The following MYCT1 variants were observed in gnomAD, a reference collection of about 807,000 sequenced individuals.
MYCT1 encodes the protein MYC target 1, also known as myc target protein 1.
MYCT1 carries 12 observed loss-of-function variants against 15.0 expected under a neutral mutation model. The ratio of observed to expected loss-of-function variants is 0.80; its 90% CI spans 0.51 to 1.29. The LOEUF (loss-of-function observed/expected upper bound fraction) is 1.29, where lower values mean the gene tolerates loss of function less well. MYCT1 is among the 50% of genes most tolerant of loss of function. MYCT1 has a pLI of 0.00. For synonymous variants in MYCT1, 104 were observed against 102.7 expected (o/e 1.01, Z -0.07); for missense variants, 287 against 279.1 (o/e 1.03, Z -0.20).
At position 152,723,203 on chromosome 6, in the gene MYCT1, GT is replaced by G. The variant is rs933160340; in HGVS notation, c.*955del. 6.6e-6 allele frequency: 1 copy of G among 152,064 alleles called. No individual in the cohort carries two copies. Among genetic ancestry groups the G allele is most frequent in the African/African-American group, 2.4e-5 (1 of 41,394 alleles). 9.4% of individuals were successfully genotyped at this position (152,064 alleles called of 1,614,324 possible). The stretch of plus-strand genomic sequence containing the variant: ...TTTTTTCTGGACAAACTCTTTATGT[GT>G]TTTTCCCAAGAATAGTTATCTACTT... On this transcript the variant is annotated 3_prime_UTR_variant, in exon 2 of 2. Coordinates refer to ENST00000367245, the MANE Select transcript of MYCT1 (RefSeq NM_025107.3).
the MYCT1 span, among the ~76,000 whole-genome samples, chr6:152,743,808 A>G: frequency 1.3e-5 from 2 of 152,230 alleles, no homozygotes; most frequent in African/African-American, 4.8e-5. Context: ...TTCTAGCTGA[A>G]AATGATGGTT....
chr6:152,704,992 C>T (rs967234324), intron 1 of MYCT1, among the ~76,000 whole-genome samples: 2 of 152,132 alleles, frequency 1.3e-5, no homozygotes, highest in Non-Finnish European at 1.5e-5. Flanking sequence ...TTTCTCTCAG[C>T]ATCTCCCTTT....
At chr6:152,703,534 A>C (rs2129068344) in intron 1 of MYCT1, among the ~76,000 whole-genome samples, 2 of 152,334 alleles carry the variant, frequency 1.3e-5, no homozygotes, top group Admixed American at 1.3e-4. Context: ...AGTAAACTAA[A>C]GGCATCAATA....
At chr6:152,740,275 C>T in the MYCT1 span, among the ~76,000 whole-genome samples, 1 of 152,120 alleles carries the variant, frequency 6.6e-6, no homozygotes, top group Non-Finnish European at 1.5e-5. Context: ...GTCTTGAACT[C>T]CCAACCTCAG....
chr6:152,718,354 A>G (rs2099724103), intron 1 of MYCT1, among the ~76,000 whole-genome samples: 1 of 152,072 alleles, frequency 6.6e-6, no homozygotes, highest in Non-Finnish European at 1.5e-5. Context: ...ATATAAATAT[A>G]TTTCTCACTC....
Position 152,722,422 on chromosome 6 carries a change from A to G in MYCT1, c.*169A>G. On this transcript the variant is annotated 3_prime_UTR_variant, in exon 2 of 2. Coordinates refer to ENST00000367245, the MANE Select transcript of MYCT1 (RefSeq NM_025107.3). ...TACAATGTAAAACACATTTTCTTCA[A>G]ACACGTTTTCCCTTTTGTTTCAAAA... is the stretch of plus-strand genomic sequence containing the variant. The G allele has an allele frequency of 8.0e-6, 5 of 622,222 alleles. No individual in the cohort carries two copies. Among genetic ancestry groups the G allele is most frequent in the Non-Finnish European group, 1.0e-5 (4 of 382,736 alleles). 38.5% of individuals were successfully genotyped at this position (622,222 alleles called of 1,614,324 possible). A position where few individuals can be genotyped will look rare whatever the true frequency, so the allele number is the denominator to read the frequency against.
chr6:152,702,977 T>A (rs1162462586), intron 1 of MYCT1, among the ~76,000 whole-genome samples: 1 of 152,202 alleles, frequency 6.6e-6, no homozygotes, highest in Non-Finnish European at 1.5e-5. Flanking sequence ...GACTTTTTAA[T>A]ACATCCCTGA....
At chr6:152,717,952 A>G (rs2099724037) in intron 1 of MYCT1, among the ~76,000 whole-genome samples, 1 of 152,100 alleles carries the variant, frequency 6.6e-6, no homozygotes, top group African/African-American at 2.4e-5. Context: ...TTGTGTGTAT[A>G]TATTATTATT....
the MYCT1 span, among the ~76,000 whole-genome samples, chr6:152,735,239 T>G: frequency 6.6e-6 from 1 of 152,120 alleles, no homozygotes; most frequent in African/African-American, 2.4e-5. Context: ...TTGAAAGAAC[T>G]GGAGAAGATT....
At chr6:152,701,557 T>A (rs1016803788) in intron 1 of MYCT1, among the ~76,000 whole-genome samples, 1 of 152,188 alleles carries the variant, frequency 6.6e-6, no homozygotes, top group East Asian at 1.9e-4. Context: ...TTCTTTAAGG[T>A]TGGAGAGGGT....
intron 1 of MYCT1, among the ~76,000 whole-genome samples, chr6:152,713,701 T>C (rs2099723128): frequency 6.6e-6 from 1 of 152,152 alleles, no homozygotes; most frequent in African/African-American, 2.4e-5. Context: ...ACCAAAGATA[T>C]GTGAAATGTT....
the MYCT1 span, among the ~76,000 whole-genome samples, chr6:152,738,127 C>A: frequency 1.2e-3 from 184 of 151,918 alleles, 2 homozygotes; most frequent in African/African-American, 4.2e-3. Context: ...TATATAAACA[C>A]AAATATAAAT....
At chr6:152,726,608 TAC>T (rs1334039335), downstream of MYCT1, among the ~76,000 whole-genome samples, 4 of 152,148 alleles carry the variant, frequency 2.6e-5, no homozygotes, top group Non-Finnish European at 5.9e-5. Context: ...CATGAGCCTA[TAC>T]ACCAAGACCT....
chr6:152,741,401 A>G, the MYCT1 span, among the ~76,000 whole-genome samples: 1 of 152,106 alleles, frequency 6.6e-6, no homozygotes, highest in Non-Finnish European at 1.5e-5. Flanking sequence ...ATAAACATCA[A>G]AAAAAACCTT....
intron 1 of MYCT1, among the ~76,000 whole-genome samples, chr6:152,698,522 A>C (rs756308552): frequency 6.6e-6 from 1 of 152,142 alleles, no homozygotes; most frequent in Non-Finnish European, 1.5e-5. Flanking sequence ...TTATTTTATG[A>C]AACTGAGATT....
intron 1 of MYCT1, among the ~76,000 whole-genome samples, chr6:152,714,496 C>T (rs1178478330): frequency 2.0e-5 from 3 of 151,036 alleles, no homozygotes; most frequent in Non-Finnish European, 4.4e-5. Flanking sequence ...ATGAATGTGG[C>T]TTTAGGCACA....
At chr6:152,731,697 G>A in the MYCT1 span, among the ~76,000 whole-genome samples, 13 of 151,894 alleles carry the variant, frequency 8.6e-5, no homozygotes, top group Admixed American at 2.6e-4. Context: ...TTATTGAAGA[G>A]CCCACTCCCA....
At chr6:152,715,717 C>G (rs1383101818) in intron 1 of MYCT1, among the ~76,000 whole-genome samples, 2 of 152,056 alleles carry the variant, frequency 1.3e-5, no homozygotes, top group Non-Finnish European at 2.9e-5. Flanking sequence ...TACATATAAG[C>G]AAAAGACCTG....
At position 152,721,863 on chromosome 6, in the gene MYCT1, G is replaced by T. The variant is rs748983896; in HGVS notation, c.318G>T (p.Trp106Cys). Residue 106 changes from tryptophan (W) to cysteine (C), a missense_variant, in exon 2 of 2, where the codon TGG becomes TGT. By Grantham distance (215) the Trp-to-Cys change is radical. Coordinates refer to ENST00000367245, the MANE Select transcript of MYCT1 (RefSeq NM_025107.3). ...RRRASAPISQ[W>C]SSSRRSRSSY... is the part of the protein sequence containing the mutation. ...GAGCCAGTGCTCCCATCTCACAGTG[G>T]AGTTCAAGCAGGAGATCTAGGTCTT... 1 of 1,614,032 alleles carries T rather than the reference G, an allele frequency of 6.2e-7. No individual in the cohort carries two copies. The highest frequency in any genetic ancestry group is 1.1e-5 in the South Asian group (1 of 91,068).
Sources: allele counts gnomAD v4.1 joint callset (sites outside exome capture counted in the v4.1 genomes callset), GRCh38; gene constraint gnomAD v4.1.1; transcripts MANE v1.5; gene names NCBI Gene and HGNC (gene_info 2026-07-23, HGNC 2026-07-21).